The following FAM168A variants were observed in gnomAD, a reference collection of about 807,000 sequenced individuals.
FAM168A encodes the protein protein FAM168A.
A neutral mutation model predicts 28.5 loss-of-function variants in FAM168A; 3 were observed. The ratio of observed to expected loss-of-function variants is 0.11; its 90% confidence interval spans 0.05 to 0.27. The LOEUF (loss-of-function observed/expected upper bound fraction) is 0.27, where lower values mean the gene tolerates loss of function less well. Among genes scored for constraint, FAM168A ranks in the 10% least tolerant of loss-of-function variants. The probability of loss-of-function intolerance (pLI) is 1.00; values close to 1 mark genes in which losing one functional copy is unlikely to be tolerated. For synonymous variants in FAM168A, 122 were observed against 124.2 expected (o/e 0.98, Z 0.12); for missense variants, 222 against 311.5 (o/e 0.71, Z 2.16).
rs974175100 is a variant in FAM168A at position 73,462,128 on chromosome 11, G to C, written c.70+6277C>G. On this transcript the variant is annotated intron_variant, in intron 2 of 7. Coordinates refer to ENST00000356467, the MANE Select transcript of FAM168A (RefSeq NM_015159.3). ...TCCACTTCTGGATATATACCCAAAA[G>C]AATTGAAAGCAAGGTCTTCAAGAGA... is the stretch of plus-strand genomic sequence containing the variant. Among the ~76,000 whole-genome samples the C allele has an allele frequency of 2.0e-5, 3 of 152,242 alleles. No individual in the cohort carries two copies. The East Asian group carries it at 5.8e-4, about 29-fold the overall frequency.
At chr11:73,472,937 T>C (rs891159378) in intron 1 of FAM168A, among the ~76,000 whole-genome samples, 9 of 152,098 alleles carry the variant, frequency 5.9e-5, no homozygotes, top group Non-Finnish European at 1.0e-4. Flanking sequence ...AGAACAATGT[T>C]TGATATACAA....
At chr11:73,528,917 G>A (rs1195724260) in intron 1 of FAM168A, among the ~76,000 whole-genome samples, 1 of 152,096 alleles carries the variant, frequency 6.6e-6, no homozygotes, top group African/African-American at 2.4e-5. Flanking sequence ...AAAAAGGAAA[G>A]AAACCTGCCA....
intron 1 of FAM168A, among the ~76,000 whole-genome samples, chr11:73,553,315 C>T (rs1943850090): frequency 1.3e-5 from 2 of 151,976 alleles, no homozygotes; most frequent in African/African-American, 4.8e-5. Flanking sequence ...AAGAAGGGCC[C>T]TCAAAGTCAG....
intron 1 of FAM168A, among the ~76,000 whole-genome samples, chr11:73,503,923 A>G (rs538242463): frequency 6.6e-6 from 1 of 152,250 alleles, no homozygotes; most frequent in Non-Finnish European, 1.5e-5. Flanking sequence ...CTATTCAGTA[A>G]ATGGTGCCGG....
intron 1 of FAM168A, among the ~76,000 whole-genome samples, chr11:73,472,442 C>G (rs1223866251): frequency 6.6e-6 from 1 of 152,188 alleles, no homozygotes; most frequent in Admixed American, 6.5e-5. Flanking sequence ...TAAGATCAGA[C>G]AGGTAATGAA....
At chr11:73,578,184 A>C (rs1944197938) in intron 1 of FAM168A, among the ~76,000 whole-genome samples, 1 of 152,212 alleles carries the variant, frequency 6.6e-6, no homozygotes, top group African/African-American at 2.4e-5. Flanking sequence ...ACAGACGATC[A>C]AACTACAGCT....
In FAM168A at chr11:73,401,524, G is replaced by A. The variant is rs957534169; in HGVS notation, c.*5239C>T. The A allele has an allele frequency of 6.6e-6, 1 of 152,294 alleles. No individual in the cohort carries two copies. The highest frequency in any genetic ancestry group is 2.1e-4 in the South Asian group (1 of 4,822). The allele number at this position is 152,294 out of a possible 1,614,324, so 9.4% of individuals were successfully genotyped here. A position where few individuals can be genotyped will look rare whatever the true frequency, so the allele number is the denominator to read the frequency against. On this transcript the variant is annotated 3_prime_UTR_variant, in exon 8 of 8. Coordinates refer to ENST00000356467, the MANE Select transcript of FAM168A (RefSeq NM_015159.3). ...GGGGTCTGGAGATGCTGGTCTTGCTGGGGTCAGGCCCAAAGCTGATCTCAC... is the reference window on the plus strand; with the variant it reads ...GGGGTCTGGAGATGCTGGTCTTGCTAGGGTCAGGCCCAAAGCTGATCTCAC...
At chr11:73,497,191 G>A (rs1401384411) in intron 1 of FAM168A, among the ~76,000 whole-genome samples, 1 of 152,132 alleles carries the variant, frequency 6.6e-6, no homozygotes, top group African/African-American at 2.4e-5. Context: ...TGTCGGCCAG[G>A]CACGGTGGCT....
At chr11:73,562,365 G>T (rs929015384) in intron 1 of FAM168A, among the ~76,000 whole-genome samples, 3 of 152,202 alleles carry the variant, frequency 2.0e-5, no homozygotes, top group Admixed American at 2.0e-4. Flanking sequence ...AAATTATCTA[G>T]CAGGTCCTTA....
chr11:73,569,562 G>A (rs1039361976), intron 1 of FAM168A, among the ~76,000 whole-genome samples: 2 of 152,150 alleles, frequency 1.3e-5, no homozygotes, highest in South Asian at 2.1e-4. Context: ...GGTGGCTCAT[G>A]CCTGTAATCC....
chr11:73,450,683 A>C (rs1867411489), intron 2 of FAM168A, among the ~76,000 whole-genome samples: 2 of 136,178 alleles, frequency 1.5e-5, no homozygotes, highest in East Asian at 2.5e-4. Flanking sequence ...CTCCCCCCAA[A>C]TCTAAACAGC....
chr11:73,424,892 G>A (rs942920355), intron 3 of FAM168A: 53 of 691,058 alleles, frequency 7.7e-5, no homozygotes, highest in Middle Eastern at 5.0e-4. Flanking sequence ...AGGAACTGCT[G>A]CTGAGCCACC....
intron 2 of FAM168A, among the ~76,000 whole-genome samples, chr11:73,459,312 C>T (rs903186384): frequency 4.0e-5 from 6 of 151,812 alleles, no homozygotes; most frequent in Admixed American, 2.6e-4. Flanking sequence ...AGTGAAACCC[C>T]GTCTCTACTG....
intron 1 of FAM168A, among the ~76,000 whole-genome samples, chr11:73,483,117 T>C (rs1867989860): frequency 6.6e-6 from 1 of 152,236 alleles, no homozygotes; most frequent in Non-Finnish European, 1.5e-5. Context: ...TGGGAAATAC[T>C]AGTGGTATCA....
At position 73,493,524 on chromosome 11, in the gene FAM168A, C is replaced by A. The variant is rs796908220; in HGVS notation, c.-18-25032G>T. Among the ~76,000 whole-genome samples the A allele has an allele frequency of 4.6e-5, 7 of 152,138 alleles. No individual in the cohort carries two copies. The South Asian group carries it at 1.2e-3, about 27-fold the overall frequency. Reference sequence around the variant, plus strand: ...GCCTCCTGGGCTCAAGTGATCCTCCCAAGGCCTCAGCCTCCTAAGTAGCTG... The same window carrying A: ...GCCTCCTGGGCTCAAGTGATCCTCCAAAGGCCTCAGCCTCCTAAGTAGCTG... On this transcript the variant is annotated intron_variant, in intron 1 of 7. Coordinates refer to ENST00000356467, the MANE Select transcript of FAM168A (RefSeq NM_015159.3).
At chr11:73,453,478 C>T (rs1452259912) in intron 2 of FAM168A, among the ~76,000 whole-genome samples, 1 of 152,134 alleles carries the variant, frequency 6.6e-6, no homozygotes, top group Admixed American at 6.5e-5. Flanking sequence ...CCTGGGGACC[C>T]AGCCCGCAAG....
Position 73,419,863 on chromosome 11 carries a change from G to A in FAM168A, c.277+11C>T. 6.2e-7 allele frequency: 1 copy of A among 1,613,624 alleles called. No individual in the cohort carries two copies. Among genetic ancestry groups the A allele is most frequent in the Non-Finnish European group, 8.5e-7 (1 of 1,179,750 alleles). On this transcript the variant is annotated intron_variant, in intron 4 of 7. Coordinates refer to ENST00000356467, the MANE Select transcript of FAM168A (RefSeq NM_015159.3). The stretch of plus-strand genomic sequence containing the variant: ...CAAGGGGAACAAGGAAATGAGACAG[G>A]CTGTATTTACTGAAAGCCGCAGAGG...
chr11:73,506,462 A>T (rs79117724), intron 1 of FAM168A, among the ~76,000 whole-genome samples: 315 of 152,232 alleles, frequency 2.1e-3, no homozygotes, highest in Non-Finnish European at 3.5e-3. Flanking sequence ...ACTTTCAACA[A>T]TATTTTCTCT....
intron 2 of FAM168A, among the ~76,000 whole-genome samples, chr11:73,442,149 G>A (rs1186446605): frequency 4.9e-5 from 7 of 144,082 alleles, no homozygotes; most frequent in African/African-American, 1.5e-4. Flanking sequence ...TTTTTGAGAC[G>A]GAGTCTCACT....
Sources: gnomAD v4.1 joint callset for allele counts (sites outside exome capture counted in the v4.1 genomes callset) on GRCh38, gnomAD v4.1.1 for gene constraint, MANE v1.5 for transcripts, NCBI Gene and HGNC (gene_info 2026-07-23, HGNC 2026-07-21) for gene names.